Variants in SULT1A2 observed in about 807,000 individuals in gnomAD.
SULT1A2 encodes sulfotransferase family 1A member 2.
Under a neutral mutation model 36.0 loss-of-function variants are expected in SULT1A2, and 33 were observed. The observed-to-expected ratio is 0.92, with a 90% confidence interval of 0.69 to 1.22. The LOEUF is 1.22. Ranked by LOEUF, SULT1A2 falls within the 50% of genes most tolerant of loss-of-function variation. SULT1A2 has a pLI of 0.00. For missense variants in SULT1A2, 367 were observed against 383.2 expected (o/e 0.96, Z 0.35); for synonymous variants, 138 against 144.5 (o/e 0.96, Z 0.32).
Position 28,595,784 on chromosome 16 carries a change from G to A in SULT1A2, c.147C>T (p.Ser49=), listed in dbSNP as rs148161941. 916 of 1,612,732 alleles carry A rather than the reference G, an allele frequency of 5.7e-4. 5 individuals are homozygous for A. The African/African-American group carries it at 0.01, about 18-fold the overall frequency. ...GGGTGGGTGGCCCTCCTCACCTACCGGACTTGGGGTAGGTGCTGATGAGCA... is the reference window on the plus strand; with the variant it reads ...GGGTGGGTGGCCCTCCTCACCTACCAGACTTGGGGTAGGTGCTGATGAGCA... ...DDLLISTYPK[S]GTTWVSQILD... The change falls in exon 2 of 8, where the codon TCC becomes TCT. Residue 49 remains serine, a splice_region_variant and synonymous_variant. Transcript: ENST00000335715.
intron 4 of SULT1A2, among the ~76,000 whole-genome samples, chr16:28,594,117 G>GA (rs1555478223): frequency 4.8e-5 from 7 of 145,154 alleles, no homozygotes; most frequent in African/African-American, 1.3e-4. Context: ...TGGGGGGGGG[G>GA]ACTCTAGGTC....
At chr16:28,596,536 C>A in intron 1 of SULT1A2, 2 of 387,400 alleles carry the variant, frequency 5.2e-6, no homozygotes, top group South Asian at 3.2e-5. Flanking sequence ...TGGGAATGAG[C>A]AAAACTGTGA....
Position 28,592,093 on chromosome 16 carries a change from G to C in SULT1A2, c.823C>G (p.Arg275Gly). ...KTTFTVAQNE[R>G]FDADYAKKMA... ...TTCTTCGCATAGTCCGCATCGAAGC[G>C]CTCATTCTGCGCCACGGTGAAGGTG... The change falls in exon 8 of 8, where the codon CGC becomes GGC. Residue 275 changes from arginine (R) to glycine (G), a missense_variant. Transcript: ENST00000335715. The C allele has an allele frequency of 6.2e-7, 1 of 1,612,068 alleles. No homozygotes were observed. Among genetic ancestry groups the C allele is most frequent in the East Asian group, 2.2e-5 (1 of 44,878 alleles).
At position 28,595,881 on chromosome 16, in the gene SULT1A2, C is replaced by T; in HGVS notation, c.50G>A (p.Gly17Glu). 3 of 1,610,228 alleles carry T rather than the reference C, an allele frequency of 1.9e-6. No homozygotes were observed. Among genetic ancestry groups the T allele is most frequent in the Non-Finnish European group, 2.5e-6 (3 of 1,178,552 alleles). Residue 17 changes from glycine to glutamate, a missense_variant, in exon 2 of 8, where the codon GGG becomes GAG. Transcript: ENST00000335715. ...TGCAAAGTACTTGATGAGCGGGACCCCCTTCACGTACTCCAGTGGCGGGCG... is the reference window on the plus strand; with the variant it reads ...TGCAAAGTACTTGATGAGCGGGACCTCCTTCACGTACTCCAGTGGCGGGCG... ...ISRPPLEYVK[G>E]VPLIKYFAEA...
chr16:28,596,339 C>T, intron 1 of SULT1A2: 2 of 1,137,130 alleles, frequency 1.8e-6, no homozygotes, highest in Non-Finnish European at 2.2e-6. Flanking sequence ...CCTGCTGGGA[C>T]CCCCAGCCTC....
chr16:28,595,770 C>T lies in SULT1A2; in HGVS notation c.148+13G>A, dbSNP rs2047052236. On this transcript the variant is annotated intron_variant, in intron 2 of 7. Coordinates refer to ENST00000335715, the MANE Select transcript of SULT1A2 (RefSeq NM_001054.4). Reference sequence around the variant, plus strand: ...TGCCACCTGGGAGAGGGTGGGTGGCCCTCCTCACCTACCGGACTTGGGGTA... The same window carrying T: ...TGCCACCTGGGAGAGGGTGGGTGGCTCTCCTCACCTACCGGACTTGGGGTA... 1.9e-6 allele frequency: 3 copies of T among 1,612,390 alleles called. No individual in the cohort carries two copies. The highest frequency in any genetic ancestry group is 2.2e-5 in the South Asian group (2 of 91,010).
At chr16:28,592,466 G>T (rs748850872) in intron 6 of SULT1A2, 23 bp from the exon 7 acceptor site, 1 of 1,614,062 alleles carries the variant, frequency 6.2e-7, no homozygotes, top group African/African-American at 1.3e-5. Flanking sequence ...GGGCTCCTCA[G>T]TGGAGGCTTG....
At chr16:28,596,518 G>C (rs182920163) in intron 1 of SULT1A2, 3 of 476,046 alleles carry the variant, frequency 6.3e-6, no homozygotes, top group Non-Finnish European at 9.3e-6. Flanking sequence ...GGGGGCCAGA[G>C]CCTGATGTGG....
intron 6 of SULT1A2, 107 bp downstream of exon 6, chr16:28,593,145 C>G: frequency 6.6e-7 from 1 of 1,524,616 alleles, no homozygotes; most frequent in Non-Finnish European, 8.9e-7. Flanking sequence ...GAATCCGGGC[C>G]TGCTGGAGGG....
intron 1 of SULT1A2, 113 bp downstream of exon 1, chr16:28,596,884 T>C (rs2047064825): frequency 2.8e-6 from 2 of 702,278 alleles, no homozygotes; most frequent in Middle Eastern, 6.7e-4. Flanking sequence ...TTGTCTGAAA[T>C]GGGATATCCA....
chr16:28,596,949 A>G (rs2047065461), intron 1 of SULT1A2, 48 bp downstream of exon 1: 1 of 1,186,050 alleles, frequency 8.4e-7, no homozygotes, highest in Non-Finnish European at 1.1e-6. Context: ...TGGAGCCACA[A>G]GCTGAGCAGG....
intron 6 of SULT1A2, 142 bp from the exon 7 acceptor site, chr16:28,592,585 C>T (rs1376392736): frequency 2.7e-6 from 4 of 1,471,322 alleles, no homozygotes; most frequent in East Asian, 4.9e-5. Context: ...CCTGGGACCC[C>T]AGTCCCTGGG....
At chr16:28,594,109 G>C (rs1364773093) in intron 4 of SULT1A2, among the ~76,000 whole-genome samples, 3 of 132,888 alleles carry the variant, frequency 2.3e-5, no homozygotes, top group South Asian at 4.6e-4. Flanking sequence ...TTTTTTTTTG[G>C]GGGGGGGGAC....
rs1399875444 is a variant in SULT1A2 at position 28,593,247 on chromosome 16, C to T, written c.594+5G>A. 1.9e-6 allele frequency: 3 copies of T among 1,613,154 alleles called. No individual in the cohort carries two copies. Among genetic ancestry groups the T allele is most frequent in the Admixed American group, 1.7e-5 (1 of 60,014 alleles). Reference sequence around the variant, plus strand: ...CGTGGAGGGAAGCATCAAAGGCGGTCTCACCTCCTTCATGTCTTCATAGAA... The same window carrying T: ...CGTGGAGGGAAGCATCAAAGGCGGTTTCACCTCCTTCATGTCTTCATAGAA... On this transcript the variant is annotated splice_donor_5th_base_variant and intron_variant, in intron 6 of 7. Transcript: ENST00000335715.
chr16:28,596,167 A>G, intron 1 of SULT1A2: 8 of 1,357,486 alleles, frequency 5.9e-6, no homozygotes, highest in Non-Finnish European at 7.8e-6. Flanking sequence ...TCAAAATCCC[A>G]GGGCCTGGGC....
chr16:28,591,945 G>T lies in SULT1A2; in HGVS notation c.*83C>A. 1 of 1,604,478 alleles carries T rather than the reference G, an allele frequency of 6.2e-7. No homozygotes were observed. The highest frequency in any genetic ancestry group is 1.1e-5 in the South Asian group (1 of 90,256). On this transcript the variant is annotated 3_prime_UTR_variant, in exon 8 of 8. Coordinates refer to ENST00000335715, the MANE Select transcript of SULT1A2 (RefSeq NM_001054.4). Reference sequence around the variant, plus strand: ...TGGCTTGGAATAGAGACTCTGCATTGAACACAAATCATACTTTATTCTGGA... The same window carrying T: ...TGGCTTGGAATAGAGACTCTGCATTTAACACAAATCATACTTTATTCTGGA...
intron 1 of SULT1A2, 38 bp downstream of exon 1, chr16:28,596,959 G>C: frequency 8.2e-7 from 1 of 1,221,760 alleles, no homozygotes; most frequent in South Asian, 1.4e-5. Flanking sequence ...AGCTGAGCAG[G>C]GTGAGGGCGT....
rs202091065 is a variant in SULT1A2 at position 28,593,301 on chromosome 16, A to G, written c.545T>C (p.Leu182Pro). ...GTAGAGAACAGGGTGGGTGCGGCTC[A>G]GCTCCCACCACTCTTGCACGTGCTG... ...WYQHVQEWWE[L>P]SRTHPVLYLF... The change falls in exon 6 of 8, where the codon CTG (leucine) becomes CCG (proline). Residue 182 changes from leucine (L) to proline (P), a missense_variant. Physicochemically the swap from Leu to Pro is moderately conservative, Grantham distance 98. Coordinates refer to ENST00000335715, the MANE Select transcript of SULT1A2 (RefSeq NM_001054.4). The G allele has an allele frequency of 1.7e-5, 27 of 1,614,146 alleles. No homozygotes were observed. Among genetic ancestry groups the G allele is most frequent in the Non-Finnish European group, 2.0e-5 (24 of 1,180,032 alleles).
chr16:28,597,031 C>G lies in SULT1A2; in HGVS notation c.-39G>C. ...TGGGAACCTGGCCTTGTGCCCTCCT[C>G]GCCCGCAGTGGCTGAGTGTGGGTGT... On this transcript the variant is annotated 5_prime_UTR_variant, in exon 1 of 8. Transcript: ENST00000335715. 7.8e-7 allele frequency: 1 copy of G among 1,283,170 alleles called. No homozygotes were observed. The highest frequency in any genetic ancestry group is 1.0e-6 in the Non-Finnish European group (1 of 983,386). The allele number at this position is 1,283,170 out of a possible 1,614,324, so 79.5% of individuals were successfully genotyped here. A position where few individuals can be genotyped will look rare whatever the true frequency, so the allele number is the denominator to read the frequency against.
Sources: allele counts gnomAD v4.1 joint callset (sites outside exome capture counted in the v4.1 genomes callset), GRCh38; gene constraint gnomAD v4.1.1; transcripts MANE v1.5; gene names NCBI Gene and HGNC (gene_info 2026-07-23, HGNC 2026-07-21).